ROBO1: variants seen among roughly 807,000 people sequenced by gnomAD.
ROBO1 encodes roundabout guidance receptor 1, also known as roundabout homolog 1.
A neutral mutation model predicts 195.9 loss-of-function variants in ROBO1; 149 were observed. The observed-to-expected ratio is 0.76, with a 90% confidence interval of 0.67 to 0.87. The LOEUF (loss-of-function observed/expected upper bound fraction) is 0.87. ROBO1 is among the 40% of genes least tolerant of loss of function. The pLI is 0.00. For synonymous variants in ROBO1, 816 were observed against 733.2 expected, an observed-to-expected ratio of 1.11 and a Z score of -1.82; for missense variants, 1,933 against 2,068.3, an observed-to-expected ratio of 0.93 and a Z score of 1.27.
At chr3:79,665,010 A>G (rs1405427824) in intron 1 of ROBO1, among the ~76,000 whole-genome samples, 1 of 152,032 alleles carries the variant, frequency 6.6e-6, no homozygotes, top group Non-Finnish European at 1.5e-5. Flanking sequence ...TCTTACTGAA[A>G]TAACTTAAGC....
chr3:79,650,496 T>C (rs927765674), intron 1 of ROBO1, among the ~76,000 whole-genome samples: 2 of 151,900 alleles, frequency 1.3e-5, no homozygotes, highest in African/African-American at 4.8e-5. Context: ...AAAATTTTGA[T>C]GGTAAAATAC....
chr3:78,778,739 C>T (rs1039759892), intron 4 of ROBO1, among the ~76,000 whole-genome samples: 1 of 152,160 alleles, frequency 6.6e-6, no homozygotes, highest in Non-Finnish European at 1.5e-5. Flanking sequence ...CTACCACTGA[C>T]TTCCTTCACA....
At chr3:79,443,878 A>T (rs1274736406) in intron 2 of ROBO1, among the ~76,000 whole-genome samples, 1 of 152,114 alleles carries the variant, frequency 6.6e-6, no homozygotes, top group Non-Finnish European at 1.5e-5. Flanking sequence ...GGAAAAAAAC[A>T]AAGCATATAT....
intron 2 of ROBO1, among the ~76,000 whole-genome samples, chr3:79,522,634 T>C (rs1941256610): frequency 6.6e-6 from 1 of 152,186 alleles, no homozygotes; most frequent in Non-Finnish European, 1.5e-5. Context: ...GAAAGGGAAC[T>C]TAATAAACCC....
At chr3:79,699,219 G>T (rs1462891466) in intron 1 of ROBO1, among the ~76,000 whole-genome samples, 1 of 151,224 alleles carries the variant, frequency 6.6e-6, no homozygotes, top group Non-Finnish European at 1.5e-5. Context: ...AGTTTGATTA[G>T]AATTGATTAT....
chr3:78,712,851 G>C (rs2108039841), intron 8 of ROBO1, among the ~76,000 whole-genome samples: 1 of 152,286 alleles, frequency 6.6e-6, no homozygotes. Context: ...CAGTAGAATA[G>C]CTGTTAGTTA....
At chr3:79,322,499 G>T (rs1160237659) in intron 2 of ROBO1, among the ~76,000 whole-genome samples, 1 of 152,144 alleles carries the variant, frequency 6.6e-6, no homozygotes, top group Non-Finnish European at 1.5e-5. Context: ...CATAGACTAG[G>T]AAAAGGGAAT....
chr3:79,594,433 G>C (rs1416553168), intron 1 of ROBO1, among the ~76,000 whole-genome samples: 2 of 151,882 alleles, frequency 1.3e-5, no homozygotes, highest in Non-Finnish European at 2.9e-5. Context: ...AACACTATAT[G>C]AGAAAAGACA....
chr3:79,108,381 A>C (rs1430251341), intron 3 of ROBO1, among the ~76,000 whole-genome samples: 1 of 151,774 alleles, frequency 6.6e-6, no homozygotes, highest in Non-Finnish European at 1.5e-5. Flanking sequence ...AAAAAAAACT[A>C]ATGTCCATTC....
intron 1 of ROBO1, among the ~76,000 whole-genome samples, chr3:79,744,002 A>G (rs1050374178): frequency 3.9e-5 from 6 of 152,214 alleles, no homozygotes; most frequent in African/African-American, 1.4e-4. Context: ...AACAGTAAAG[A>G]GTATAGTATA....
chr3:78,723,275 TA>T (rs1226722468), intron 5 of ROBO1, among the ~76,000 whole-genome samples: 1 of 152,148 alleles, frequency 6.6e-6, no homozygotes, highest in Non-Finnish European at 1.5e-5. Flanking sequence ...TAGCATACTG[TA>T]CAGGTTTGCG....
Position 78,739,971 on chromosome 3 carries a change from T to G in ROBO1, c.657+6772A>C, listed in dbSNP as rs1323241499. Among the ~76,000 whole-genome samples the G allele has an allele frequency of 2.0e-5, 3 of 152,166 alleles. No individual in the cohort carries two copies. In the South Asian group the frequency reaches 6.2e-4, roughly 32 times the overall value. On this transcript the variant is annotated intron_variant, in intron 5 of 30. Coordinates refer to ENST00000464233, the MANE Select transcript of ROBO1 (RefSeq NM_002941.4). The stretch of plus-strand genomic sequence containing the variant: ...TAAAAAATGTTATGAGTCAAAAAAA[T>G]GCAAGTGCCCCCTTGGTTGCCCTCT...
chr3:78,930,681 A>T (rs1224501749), intron 4 of ROBO1, among the ~76,000 whole-genome samples: 1 of 152,204 alleles, frequency 6.6e-6, no homozygotes, highest in African/African-American at 2.4e-5. Flanking sequence ...TCTAAAATTA[A>T]GCCAAATCTT....
intron 1 of ROBO1, among the ~76,000 whole-genome samples, chr3:79,629,649 G>T: frequency 6.6e-6 from 1 of 151,566 alleles, no homozygotes; most frequent in East Asian, 1.9e-4. Flanking sequence ...GATCAGAGCA[G>T]AATTAAATGA....
intron 5 of ROBO1, among the ~76,000 whole-genome samples, chr3:78,731,480 T>C (rs1472097531): frequency 6.6e-6 from 1 of 152,120 alleles, no homozygotes; most frequent in East Asian, 1.9e-4. Flanking sequence ...GCCTTTCTTC[T>C]GCATAGAATA....
intron 8 of ROBO1, among the ~76,000 whole-genome samples, chr3:78,693,823 C>T (rs947462698): frequency 1.1e-4 from 16 of 152,170 alleles, no homozygotes; most frequent in Non-Finnish European, 1.5e-4. Flanking sequence ...TGTATACTGC[C>T]AATAATATTC....
chr3:79,109,674 T>C (rs2079849826), intron 3 of ROBO1, among the ~76,000 whole-genome samples: 1 of 152,076 alleles, frequency 6.6e-6, no homozygotes, highest in Non-Finnish European at 1.5e-5. Context: ...ATTATTAGTT[T>C]TTAAACATTT....
intron 2 of ROBO1, among the ~76,000 whole-genome samples, chr3:79,150,506 C>A (rs1245661403): frequency 6.6e-6 from 1 of 151,470 alleles, no homozygotes; most frequent in Non-Finnish European, 1.5e-5. Flanking sequence ...AGGAAATGCA[C>A]TTATTCTGAT....
At chr3:79,421,380 T>TA (rs529336248) in intron 2 of ROBO1, among the ~76,000 whole-genome samples, 186 of 143,388 alleles carry the variant, frequency 1.3e-3, no homozygotes, top group Admixed American at 1.5e-3. Flanking sequence ...AAATGAAAGT[T>TA]AAAAAAAAAA....
Sources: allele counts gnomAD v4.1 joint callset (sites outside exome capture counted in the v4.1 genomes callset), GRCh38; gene constraint gnomAD v4.1.1; transcripts MANE v1.5; gene names NCBI Gene and HGNC (gene_info 2026-07-23, HGNC 2026-07-21).